CC2D2A: variants seen among roughly 807,000 people sequenced by gnomAD.
CC2D2A encodes coiled-coil and C2 domain-containing protein 2A.
CC2D2A carries 155 observed loss-of-function variants against 212.9 expected under a neutral mutation model. The observed-to-expected ratio is 0.73, with a 90% CI of 0.64 to 0.83. The LOEUF (loss-of-function observed/expected upper bound fraction) is 0.83. Among genes scored for constraint, CC2D2A ranks in the 40% least tolerant of loss-of-function variants. The pLI is 0.00. For synonymous variants in CC2D2A, 667 were observed against 686.5 expected, an observed-to-expected ratio of 0.97 and a Z score of 0.44; for missense variants, 1,856 against 1,956.2, an observed-to-expected ratio of 0.95 and a Z score of 0.97.
intron 10 of CC2D2A, among the ~76,000 whole-genome samples, chr4:15,516,284 T>C (rs1271956332): frequency 6.6e-6 from 1 of 152,232 alleles, no homozygotes; most frequent in Non-Finnish European, 1.5e-5. Context: ...GACAGAATTT[T>C]TAAATTATCC....
intron 24 of CC2D2A, 189 bp downstream of exon 24, chr4:15,563,711 G>T: frequency 1.7e-6 from 1 of 599,698 alleles, no homozygotes; most frequent in Non-Finnish European, 2.9e-6. Context: ...AGGCTAAAGA[G>T]GGGATTTATT....
intron 28 of CC2D2A, among the ~76,000 whole-genome samples, chr4:15,570,725 G>A (rs1159143323): frequency 6.6e-6 from 1 of 152,018 alleles, no homozygotes; most frequent in Non-Finnish European, 1.5e-5. Context: ...GCGTGGTGGT[G>A]CGCACCTGTA....
chr4:15,567,506 T>C (rs755197159), intron 25 of CC2D2A, 24 bp downstream of exon 25: 3 of 1,592,310 alleles, frequency 1.9e-6, no homozygotes, highest in Non-Finnish European at 2.6e-6. Context: ...GACTTCAGCT[T>C]TCCACCTTGC....
intron 16 of CC2D2A, among the ~76,000 whole-genome samples, chr4:15,538,450 G>A (rs561638362): frequency 1.7e-3 from 253 of 152,336 alleles, no homozygotes; most frequent in Non-Finnish European, 3.0e-3. Flanking sequence ...GTGGCTGTCT[G>A]TGTGGCTTTT....
chr4:15,534,676 A>G (rs1226357176), intron 14 of CC2D2A, among the ~76,000 whole-genome samples: 1 of 152,198 alleles, frequency 6.6e-6, no homozygotes, highest in Non-Finnish European at 1.5e-5. Context: ...CAGTTATCAG[A>G]CCTATTGCTT....
chr4:15,579,820 G>A, intron 29 of CC2D2A, 148 bp from the exon 30 acceptor site: 1 of 619,086 alleles, frequency 1.6e-6, no homozygotes, highest in South Asian at 2.1e-5. Flanking sequence ...TTTAAATAAA[G>A]CTGCAGGGAC....
intron 9 of CC2D2A, 82 bp from the exon 10 acceptor site, chr4:15,515,786 C>T: frequency 7.8e-7 from 1 of 1,286,684 alleles, no homozygotes; most frequent in Non-Finnish European, 1.1e-6. Context: ...AATGAAATCT[C>T]TGGTGATTAA....
chr4:15,580,428 A>C (rs935501996), intron 30 of CC2D2A, among the ~76,000 whole-genome samples: 2 of 152,198 alleles, frequency 1.3e-5, no homozygotes, highest in Non-Finnish European at 2.9e-5. Context: ...ACTTGAGGCC[A>C]GGAGTTTGAC....
intron 8 of CC2D2A, among the ~76,000 whole-genome samples, chr4:15,514,288 G>A (rs1362837335): frequency 6.6e-6 from 1 of 152,228 alleles, no homozygotes; most frequent in Non-Finnish European, 1.5e-5. Flanking sequence ...TCTGAACAGG[G>A]TGTGTGGACT....
Position 15,569,593 on chromosome 4 carries a change from C to G in CC2D2A, c.3495+204C>G, listed in dbSNP as rs143742387. 1.8e-3 allele frequency among the ~76,000 whole-genome samples: 267 copies of G among 152,276 alleles called. 1 individual carries two copies. The highest frequency in any genetic ancestry group is 3.0e-3 in the Non-Finnish European group (203 of 68,016). ...AAGTAAAGTGGTGAAAGAATAGCTA[C>G]TCCATAGACAGAATAGGGTGTTCTC... is the stretch of plus-strand genomic sequence containing the variant. On this transcript the variant is annotated intron_variant, in intron 27 of 36. Coordinates refer to ENST00000424120, the MANE Select transcript of CC2D2A (RefSeq NM_001378615.1).
intron 3 of CC2D2A, among the ~76,000 whole-genome samples, chr4:15,480,488 G>A (rs551987396): frequency 2.2e-4 from 33 of 152,230 alleles, no homozygotes; most frequent in African/African-American, 4.6e-4. Flanking sequence ...ATTTGGGGAC[G>A]CCTTGATAAT....
chr4:15,600,898 T>A (rs1202431991), intron 36 of CC2D2A, among the ~76,000 whole-genome samples: 1 of 80,400 alleles, frequency 1.2e-5, no homozygotes, highest in Non-Finnish European at 2.7e-5. Flanking sequence ...CAGTCAGACC[T>A]GTCTCAAAAA....
rs186486235 is a variant in CC2D2A, at chr4:15,597,428, C to T, written c.4459C>T (p.Arg1487Cys). 705 of 1,552,664 alleles carry T rather than the reference C, an allele frequency of 4.5e-4. 1 individual carries two copies. In the African/African-American group the frequency reaches 8.2e-3, roughly 18 times the overall value. ...ATAGCCTGAAGAGCTAATTTACCAGCGCTCAGACAAAGCAGCTGCAGCTGA... is the reference window on the plus strand; with the variant it reads ...ATAGCCTGAAGAGCTAATTTACCAGTGCTCAGACAAAGCAGCTGCAGCTGA... ...SVQPEELIYQRSDKAAAAELQ... is the reference protein window; with the variant it reads ...SVQPEELIYQCSDKAAAAELQ... Residue 1487 changes from arginine to cysteine, a missense_variant, in exon 35 of 37, where the codon CGC becomes TGC. This residue lies in a region of CC2D2A where 285 missense variants were observed against 278.4 expected (regional missense o/e 1.02). Transcript: ENST00000424120.
In CC2D2A at chr4:15,549,683, A is replaced by G. The variant is rs927855244; in HGVS notation, c.2182-1141A>G. On this transcript the variant is annotated intron_variant, in intron 17 of 36. Transcript: ENST00000424120. ...CCAGGCGTGGTGGTGGGCGCCTGTA[A>G]TCCCAGCTACTTGCGGGGCTGGGGC... Among the ~76,000 whole-genome samples, 24 of 152,232 alleles carry G rather than the reference A, an allele frequency of 1.6e-4. 1 individual carries two copies. Among genetic ancestry groups the G allele is most frequent in the Middle Eastern group, 3.4e-3 (1 of 294 alleles).
chr4:15,571,252 C>A (rs553898143), intron 28 of CC2D2A, among the ~76,000 whole-genome samples: 1 of 152,212 alleles, frequency 6.6e-6, no homozygotes, highest in South Asian at 2.1e-4. Context: ...TTCTACAAGT[C>A]CTCACTATTT....
chr4:15,548,121 ATTT>A (rs145117895), intron 17 of CC2D2A, among the ~76,000 whole-genome samples: 2 of 146,300 alleles, frequency 1.4e-5, no homozygotes, highest in Non-Finnish European at 3.0e-5. Flanking sequence ...GAAATTCTGG[ATTT>A]TTTTTTTTTT....
chr4:15,592,903 A>T (rs1319793251), intron 33 of CC2D2A, among the ~76,000 whole-genome samples: 1 of 152,120 alleles, frequency 6.6e-6, no homozygotes, highest in Non-Finnish European at 1.5e-5. Context: ...ATTTCTATCA[A>T]TATCACTTAT....
intron 11 of CC2D2A, among the ~76,000 whole-genome samples, chr4:15,525,217 G>A (rs1324952767): frequency 1.3e-5 from 2 of 152,142 alleles, no homozygotes; most frequent in African/African-American, 2.4e-5. Flanking sequence ...CTCTACCCAC[G>A]TTATTTACTC....
At position 15,598,234 on chromosome 4, in the gene CC2D2A, C is replaced by G. The variant is rs573728790; in HGVS notation, c.4496+769C>G. Among the ~76,000 whole-genome samples the G allele has an allele frequency of 2.0e-5, 3 of 152,248 alleles. No individual in the cohort carries two copies. In the East Asian group the frequency reaches 5.8e-4, roughly 29 times the overall value. ...AATATTAAAATGCCTGACAATTCGT[C>G]CATACTTTCGTGCGCAGACCATCTT... is the stretch of plus-strand genomic sequence containing the variant. On this transcript the variant is annotated intron_variant, in intron 35 of 36. Coordinates refer to ENST00000424120, the MANE Select transcript of CC2D2A (RefSeq NM_001378615.1).
Sources: gnomAD v4.1 joint callset for allele counts (sites outside exome capture counted in the v4.1 genomes callset) on GRCh38, gnomAD v4.1.1 for gene constraint, gnomAD v4.1.1 regional missense constraint, MANE v1.5 for transcripts, NCBI Gene and HGNC (gene_info 2026-07-23, HGNC 2026-07-21) for gene names.